Variants in LIMK1 observed in about 807,000 individuals in gnomAD.
LIMK1 encodes the protein LIM domain kinase 1.
A neutral mutation model predicts 77.6 loss-of-function variants in LIMK1; 21 were observed. The ratio of observed to expected loss-of-function variants is 0.27; its 90% CI spans 0.19 to 0.39. The LOEUF is 0.39. LIMK1 is among the 10% of genes least tolerant of loss of function. The pLI, the probability that LIMK1 is intolerant of heterozygous loss-of-function variation, is 1.00. For synonymous variants in LIMK1, 358 were observed against 370.0 expected, an observed-to-expected ratio of 0.97 and a Z score of 0.37; for missense variants, 696 against 901.6, an observed-to-expected ratio of 0.77 and a Z score of 2.92.
chr7:74,110,537 T>C (rs1346465899), intron 10 of LIMK1: 1 of 152,220 alleles, frequency 6.6e-6, no homozygotes, highest in Non-Finnish European at 1.5e-5. Flanking sequence ...TTTGTTTTTG[T>C]TTTTGTTTTT....
At chr7:74,098,163 G>T (rs1283971745) in intron 4 of LIMK1, among the ~76,000 whole-genome samples, 3 of 152,150 alleles carry the variant, frequency 2.0e-5, no homozygotes, top group African/African-American at 2.4e-5. Context: ...TGGAGGTCAG[G>T]CTGGATGAAA....
At position 74,101,902 on chromosome 7, in the gene LIMK1, A is replaced by G. The variant is rs537210372; in HGVS notation, c.608+2664A>G. ...TGCAGTGGCACAATCATAGCTCACTATAGCCTCAGATGCCTGTGCTCAAGC... is the reference window on the plus strand; with the variant it reads ...TGCAGTGGCACAATCATAGCTCACTGTAGCCTCAGATGCCTGTGCTCAAGC... On this transcript the variant is annotated intron_variant, in intron 5 of 15. Coordinates refer to ENST00000336180, the MANE Select transcript of LIMK1 (RefSeq NM_002314.4). Among the ~76,000 whole-genome samples the G allele has an allele frequency of 2.0e-4, 31 of 152,050 alleles. No homozygotes were observed. In the South Asian group the frequency reaches 5.6e-3, roughly 28 times the overall value.
At chr7:74,089,696 G>A (rs888100222) in intron 2 of LIMK1, among the ~76,000 whole-genome samples, 1 of 152,082 alleles carries the variant, frequency 6.6e-6, no homozygotes, top group African/African-American at 2.4e-5. Flanking sequence ...GAGCTGGAGG[G>A]GACATGGGCT....
At chr7:74,111,809 A>T in intron 11 of LIMK1, 102 bp downstream of exon 11, 2 of 1,429,476 alleles carry the variant, frequency 1.4e-6, no homozygotes, top group African/African-American at 2.8e-5. Context: ...GGTCGATGGG[A>T]GAGTGGGAAG....
At chr7:74,112,787 C>T (rs1363144271) in intron 12 of LIMK1, among the ~76,000 whole-genome samples, 3 of 151,234 alleles carry the variant, frequency 2.0e-5, no homozygotes, top group Non-Finnish European at 4.4e-5. Flanking sequence ...ATCGCGCCAC[C>T]GCACTCCAGC....
intron 2 of LIMK1, among the ~76,000 whole-genome samples, chr7:74,089,972 T>C (rs1238692251): frequency 2.6e-5 from 4 of 152,198 alleles, no homozygotes; most frequent in African/African-American, 9.6e-5. Flanking sequence ...AGGATGGGTG[T>C]ACCTGGCTTT....
chr7:74,121,254 C>A lies in LIMK1; in HGVS notation c.1897C>A (p.Arg633=). ...QLDRGFWETY[R]RGESGLPAHP... is the part of the protein sequence containing the mutation. ...GGACAGAGGTTTCTGGGAGACCTAC[C>A]GGCGCGGCGAGAGCGGACTGCCTGC... Residue 633 remains arginine, a synonymous_variant, in exon 16 of 16, where the codon CGG becomes AGG. Transcript: ENST00000336180. 1 of 1,612,912 alleles carries A rather than the reference C, an allele frequency of 6.2e-7. No individual in the cohort carries two copies. The highest frequency in any genetic ancestry group is 8.5e-7 in the Non-Finnish European group (1 of 1,179,788).
chr7:74,096,361 C>T (rs1254949999), intron 2 of LIMK1, among the ~76,000 whole-genome samples: 1 of 151,916 alleles, frequency 6.6e-6, no homozygotes, highest in Non-Finnish European at 1.5e-5. Flanking sequence ...ATTAGCTGGG[C>T]ATGGTGGTGT....
chr7:74,120,490 C>T (rs1406599593), intron 13 of LIMK1, 93 bp from the exon 14 acceptor site: 9 of 1,390,266 alleles, frequency 6.5e-6, no homozygotes, highest in African/African-American at 2.8e-5. Flanking sequence ...ACCTCCCGGC[C>T]GGGGCATCCT....
At position 74,122,489 on chromosome 7, in the gene LIMK1, C is replaced by T. The variant is rs574411619; in HGVS notation, c.*1188C>T. 14 of 152,582 alleles carry T rather than the reference C, an allele frequency of 9.2e-5. No homozygotes were observed. The highest frequency in any genetic ancestry group is 2.1e-4 in the South Asian group (1 of 4,824). 9.5% of individuals were successfully genotyped at this position (152,582 alleles called of 1,614,324 possible). A position where few individuals can be genotyped will look rare whatever the true frequency, so the allele number is the denominator to read the frequency against. On this transcript the variant is annotated 3_prime_UTR_variant, in exon 16 of 16. Transcript: ENST00000336180. ...TGACGTCCAAGGAACCAAACCCAGA[C>T]GCAGAACAATAAAATAAATTCCGTA...
intron 2 of LIMK1, among the ~76,000 whole-genome samples, chr7:74,091,001 C>A (rs934111889): frequency 1.3e-5 from 2 of 152,172 alleles, no homozygotes; most frequent in Non-Finnish European, 2.9e-5. Flanking sequence ...GCAAGCTCTG[C>A]CTCCCGGGTT....
In LIMK1 at chr7:74,097,140, A is replaced by G; in HGVS notation, c.352A>G (p.Ile118Val). The change falls in exon 4 of 16, where the codon ATC becomes GTC. Residue 118 changes from isoleucine to valine, a missense_variant. Transcript: ENST00000336180. ...CATCTGCCTCACGTGTGGGACCTTT[A>G]TCGGTGACGGGGACACCTACACGCT... The part of the protein sequence containing the change: ...CFICLTCGTF[I>V]GDGDTYTLVE... The G allele has an allele frequency of 1.2e-6, 2 of 1,613,522 alleles. No individual in the cohort carries two copies. The highest frequency in any genetic ancestry group is 1.7e-6 in the Non-Finnish European group (2 of 1,179,928).
chr7:74,117,219 T>C (rs1266728869), intron 13 of LIMK1, among the ~76,000 whole-genome samples: 1 of 152,116 alleles, frequency 6.6e-6, no homozygotes, highest in Admixed American at 6.6e-5. Context: ...GGTATCACTA[T>C]GTTGCCCAGG....
At chr7:74,093,280 C>G (rs1163322513) in intron 2 of LIMK1, 6 of 1,536,020 alleles carry the variant, frequency 3.9e-6, no homozygotes, top group Non-Finnish European at 5.2e-6. Flanking sequence ...AAGAAGACGC[C>G]GCTTCCTCCA....
At chr7:74,106,364 G>C in intron 7 of LIMK1, 121 bp downstream of exon 7, 3 of 1,128,864 alleles carry the variant, frequency 2.7e-6, no homozygotes, top group Non-Finnish European at 3.8e-6. Flanking sequence ...GAGCCAGGGA[G>C]GTGGAGGCTG....
At chr7:74,108,120 G>A (rs1799618427) in intron 9 of LIMK1, among the ~76,000 whole-genome samples, 163 bp downstream of exon 9, 1 of 151,982 alleles carries the variant, frequency 6.6e-6, no homozygotes, top group Non-Finnish European at 1.5e-5. Context: ...GGGAGGTTAA[G>A]GAGAGAGGAT....
At chr7:74,085,880 A>T in intron 2 of LIMK1, 36 bp downstream of exon 2, 1 of 1,467,308 alleles carries the variant, frequency 6.8e-7, no homozygotes, top group Non-Finnish European at 9.3e-7. Context: ...GTTGCCCTAA[A>T]CAAGGCCTGC....
intron 5 of LIMK1, among the ~76,000 whole-genome samples, chr7:74,100,462 GC>G (rs1201055180): frequency 6.6e-6 from 1 of 151,950 alleles, no homozygotes; most frequent in Admixed American, 6.6e-5. Context: ...TCACTCTGTC[GC>G]CCAGTCTGGG....
chr7:74,096,909 C>T, intron 3 of LIMK1, 149 bp downstream of exon 3: 1 of 1,143,164 alleles, frequency 8.7e-7, no homozygotes, highest in Non-Finnish European at 1.2e-6. Context: ...CTGTCTGTAT[C>T]CCTCAGCGCC....
Sources: gnomAD v4.1 joint callset for allele counts (sites outside exome capture counted in the v4.1 genomes callset) on GRCh38, gnomAD v4.1.1 for gene constraint, MANE v1.5 for transcripts, NCBI Gene and HGNC (gene_info 2026-07-23, HGNC 2026-07-21) for gene names.